CFAP74: variants seen among roughly 807,000 people sequenced by gnomAD.
The protein encoded by CFAP74 is cilia and flagella associated protein 74.
A neutral mutation model predicts 188.9 loss-of-function variants in CFAP74; 124 were observed. The observed-to-expected ratio is 0.66, with a 90% CI of 0.57 to 0.76. The LOEUF (loss-of-function observed/expected upper bound fraction) is 0.76. CFAP74 is among the 30% of genes least tolerant of loss of function. CFAP74 has a pLI of 0.00. For synonymous variants in CFAP74, 956 were observed against 916.7 expected, an observed-to-expected ratio of 1.04 and a Z score of -0.77; for missense variants, 2,198 against 2,165.2, an observed-to-expected ratio of 1.02 and a Z score of -0.30.
intron 1 of CFAP74, among the ~76,000 whole-genome samples, chr1:2,001,294 C>CA (rs1658189963): frequency 6.6e-6 from 1 of 151,990 alleles, no homozygotes; most frequent in Non-Finnish European, 1.5e-5. Flanking sequence ...ATACCTCCTA[C>CA]AAAATGCTTG....
At chr1:1,998,641 G>A (rs995631396) in intron 1 of CFAP74, among the ~76,000 whole-genome samples, 1 of 152,196 alleles carries the variant, frequency 6.6e-6, no homozygotes, top group African/African-American at 2.4e-5. Flanking sequence ...TTGGGAGGCC[G>A]AGGTGGGCAG....
chr1:1,925,654 GA>G, intron 33 of CFAP74, 128 bp downstream of exon 33: 3 of 967,326 alleles, frequency 3.1e-6, no homozygotes, highest in Non-Finnish European at 4.5e-6. Context: ...AGGAGGGGTA[GA>G]GGGGGCCACC....
In CFAP74 at chr1:1,968,734, G is replaced by C. The variant is rs372842689; in HGVS notation, c.1146C>G (p.Pro382=). Residue 382 remains proline (P), a synonymous_variant, in exon 11 of 39, where the codon CCC becomes CCG. Coordinates refer to ENST00000682832, the MANE Select transcript of CFAP74 (RefSeq NM_001304360.2). The surrounding 1 kb of genome is among the most constrained non-coding windows in gnomAD (Gnocchi z 4.3). ...EEEKRKKQHP[P]TSARHRLTLR... is the part of the protein sequence containing the mutation. ...GGGTCAGCCGGTGCCTGGCACTGGT[G>C]GGGGGATGCTGTTTCTTCCTCTTTT... 7 of 1,613,938 alleles carry C rather than the reference G, an allele frequency of 4.3e-6. No individual in the cohort carries two copies. The highest frequency in any genetic ancestry group is 4.0e-5 in the African/African-American group (3 of 75,012).
Position 1,922,087 on chromosome 1 carries a change from G to A in CFAP74, c.*200C>T. The A allele has an allele frequency of 1.8e-6, 1 of 562,964 alleles. No individual in the cohort carries two copies. The highest frequency in any genetic ancestry group is 2.1e-5 in the South Asian group (1 of 46,594). 34.9% of individuals were successfully genotyped at this position (562,964 alleles called of 1,614,324 possible). On this transcript the variant is annotated 3_prime_UTR_variant, in exon 39 of 39. Coordinates refer to ENST00000682832, the MANE Select transcript of CFAP74 (RefSeq NM_001304360.2). ...CGCTGCTTCTGAGTCTGGGGTCTCAGGAGGGGTGCTCTTGGATGTCCCTGG... is the reference window on the plus strand; with the variant it reads ...CGCTGCTTCTGAGTCTGGGGTCTCAAGAGGGGTGCTCTTGGATGTCCCTGG...
rs1004203145 is a variant in CFAP74, at chr1:1,942,436, T to C, written c.2487-280A>G. Among the ~76,000 whole-genome samples, 3 of 152,162 alleles carry C rather than the reference T, an allele frequency of 2.0e-5. No individual in the cohort carries two copies. Among genetic ancestry groups the C allele is most frequent in the Non-Finnish European group, 4.4e-5 (3 of 68,010 alleles). Reference sequence around the variant, plus strand: ...TAATGGGCTCTCGGGAACCAGATGCTTTCCGGGAAGAGCACCTGCCAGGCA... The same window carrying C: ...TAATGGGCTCTCGGGAACCAGATGCCTTCCGGGAAGAGCACCTGCCAGGCA... On this transcript the variant is annotated intron_variant, in intron 21 of 38. Coordinates refer to ENST00000682832, the MANE Select transcript of CFAP74 (RefSeq NM_001304360.2). This position sits in a 1 kb window ranked among gnomAD's most constrained non-coding sequence, Gnocchi z 4.3.
At chr1:1,936,787 C>T (rs1652926497) in intron 25 of CFAP74, among the ~76,000 whole-genome samples, 1 of 151,156 alleles carries the variant, frequency 6.6e-6, no homozygotes, top group African/African-American at 2.4e-5. Context: ...TCCTGTAGTC[C>T]TAGCCACACT....
chr1:1,951,181 G>A (rs144126225), intron 18 of CFAP74, among the ~76,000 whole-genome samples: 4 of 152,234 alleles, frequency 2.6e-5, no homozygotes, highest in South Asian at 2.1e-4. Flanking sequence ...CTCACACAGC[G>A]GCAGGAGAGA....
At chr1:1,996,670 C>T (rs1238006698) in intron 1 of CFAP74, among the ~76,000 whole-genome samples, 1 of 152,084 alleles carries the variant, frequency 6.6e-6, no homozygotes, top group Admixed American at 6.6e-5. Context: ...TCTGTGATCT[C>T]AGCACTTTTG....
At chr1:1,934,418 A>C (rs60391801) in intron 25 of CFAP74, among the ~76,000 whole-genome samples, 11 of 84,502 alleles carry the variant, frequency 1.3e-4, no homozygotes, top group African/African-American at 5.7e-4. Context: ...ACGTGTGTAC[A>C]TGTGTGTTGT....
At chr1:1,945,087 C>T (rs1653655364) in intron 20 of CFAP74, among the ~76,000 whole-genome samples, 1 of 152,078 alleles carries the variant, frequency 6.6e-6, no homozygotes, top group Non-Finnish European at 1.5e-5. Context: ...TGGGAGGATG[C>T]TTGAGCCCAG....
At position 1,923,030 on chromosome 1, in the gene CFAP74, C is replaced by T. The variant is rs768065106; in HGVS notation, c.4638G>A (p.Glu1546=). 6.2e-6 allele frequency: 10 copies of T among 1,605,938 alleles called. No individual in the cohort carries two copies. Among genetic ancestry groups the T allele is most frequent in the Admixed American group, 5.2e-5 (3 of 57,836 alleles). ...TDTPAPPATR[E]LQVGCIRTTQ... Reference sequence around the variant, plus strand: ...TGGTCCGGATACAGCCCACCTGCAGCTCTCGGGTGGCAGGTGGGGCTGGCG... The same window carrying T: ...TGGTCCGGATACAGCCCACCTGCAGTTCTCGGGTGGCAGGTGGGGCTGGCG... The change falls in exon 37 of 39, where the codon GAG becomes GAA. Residue 1546 remains glutamate (E), a synonymous_variant. Coordinates refer to ENST00000682832, the MANE Select transcript of CFAP74 (RefSeq NM_001304360.2). This position sits in a 1 kb window ranked among gnomAD's most constrained non-coding sequence, Gnocchi z 6.3.
At chr1:1,958,494 T>C (rs1213115068) in intron 16 of CFAP74, among the ~76,000 whole-genome samples, 1 of 152,176 alleles carries the variant, frequency 6.6e-6, no homozygotes, top group African/African-American at 2.4e-5. Context: ...CCGTTTGCTG[T>C]GTGGCAGGTG....
chr1:1,971,028 T>TGCACACCTGC (rs1655957731), intron 9 of CFAP74, among the ~76,000 whole-genome samples: 1 of 132,812 alleles, frequency 7.5e-6, no homozygotes, highest in Admixed American at 7.9e-5. Flanking sequence ...ACATCACACA[T>TGCACACCTGC]GCACACCTGC....
intron 18 of CFAP74, chr1:1,955,304 G>A (rs932044661): frequency 2.0e-4 from 255 of 1,279,418 alleles, no homozygotes; most frequent in Non-Finnish European, 2.5e-4. Flanking sequence ...CCCGTTTCTC[G>A]GCACCTCTCC....
chr1:1,975,129 G>A lies in CFAP74; in HGVS notation c.501-931C>T, dbSNP rs1367568121. Among the ~76,000 whole-genome samples the A allele has an allele frequency of 6.6e-6, 1 of 152,192 alleles. No homozygotes were observed. ...TGCCACAGCTCTGTCCTAGACACCC[G>A]CGATCATGTTCATTTCCACTTCGTC... On this transcript the variant is annotated intron_variant, in intron 6 of 38. Transcript: ENST00000682832. This position sits in a 1 kb window ranked among gnomAD's most constrained non-coding sequence, Gnocchi z 4.5.
At chr1:1,977,312 G>A (rs749396595) in intron 6 of CFAP74, among the ~76,000 whole-genome samples, 1 of 152,154 alleles carries the variant, frequency 6.6e-6, no homozygotes, top group Non-Finnish European at 1.5e-5. Flanking sequence ...TGGGAGGGAG[G>A]ACATTTGAGG....
chr1:1,986,870 G>T, intron 5 of CFAP74, 67 bp downstream of exon 5: 1 of 1,378,284 alleles, frequency 7.3e-7, no homozygotes, highest in Non-Finnish European at 1.0e-6. Flanking sequence ...CTCACTTTGG[G>T]TGAACCAGTG....
At chr1:1,964,694 G>A (rs910169663) in intron 13 of CFAP74, among the ~76,000 whole-genome samples, 194 bp downstream of exon 13, 1 of 152,240 alleles carries the variant, frequency 6.6e-6, no homozygotes, top group Non-Finnish European at 1.5e-5. Context: ...GGAGGCTGAG[G>A]CAGGAGAATC....
Position 1,967,897 on chromosome 1 carries a change from ATGAG to A in CFAP74, c.1245+734_1245+737del, listed in dbSNP as rs781416732. 2.3e-3 allele frequency among the ~76,000 whole-genome samples: 344 copies of A among 152,296 alleles called. 1 individual carries two copies. The highest frequency in any genetic ancestry group is 4.0e-3 in the Non-Finnish European group (270 of 68,022). On this transcript the variant is annotated intron_variant, in intron 11 of 38. Transcript: ENST00000682832. ...GCCCTGGATGTGAGTGAGTGAGTGAATGAGTAAGTGAGTGAATAAGTGAATGTGT... is the reference window on the plus strand; with the variant it reads ...GCCCTGGATGTGAGTGAGTGAGTGAATAAGTGAGTGAATAAGTGAATGTGT...
Sources: allele counts gnomAD v4.1 joint callset (sites outside exome capture counted in the v4.1 genomes callset), GRCh38; gene constraint gnomAD v4.1.1; non-coding constraint Gnocchi (gnomAD v3.1); transcripts MANE v1.5; gene names NCBI Gene and HGNC (gene_info 2026-07-23, HGNC 2026-07-21).